The following KIAA1549L variants were observed in gnomAD, a reference collection of about 807,000 sequenced individuals.
KIAA1549L encodes KIAA1549 like.
KIAA1549L carries 88 observed loss-of-function variants against 160.7 expected under a neutral mutation model. The observed-to-expected ratio is 0.55, with a 90% CI of 0.46 to 0.65. The LOEUF (loss-of-function observed/expected upper bound fraction) is 0.65. KIAA1549L is among the 30% of genes least tolerant of loss of function. KIAA1549L has a pLI of 0.00. For synonymous variants in KIAA1549L, 950 were observed against 976.7 expected (o/e 0.97, Z 0.51); for missense variants, 2,258 against 2,437.5 (o/e 0.93, Z 1.55).
intron 12 of KIAA1549L, among the ~76,000 whole-genome samples, chr11:33,595,392 A>G (rs145513842): frequency 0.01 from 1,555 of 152,036 alleles, 46 homozygotes; most frequent in African/African-American, 0.036. Flanking sequence ...ATGCCTGGCT[A>G]ATTTTTGTAT....
intron 1 of KIAA1549L, among the ~76,000 whole-genome samples, chr11:33,469,892 A>G (rs1852142316): frequency 6.6e-6 from 1 of 152,196 alleles, no homozygotes; most frequent in African/African-American, 2.4e-5. Flanking sequence ...GCTTAACTGT[A>G]AGAGCTCTTT....
chr11:33,598,464 A>G (rs1377012041), intron 12 of KIAA1549L, among the ~76,000 whole-genome samples: 2 of 152,188 alleles, frequency 1.3e-5, no homozygotes, highest in Non-Finnish European at 2.9e-5. Context: ...ACACTCTGCA[A>G]CACTATCCAG....
chr11:33,522,344 A>G (rs1405604818), intron 1 of KIAA1549L, among the ~76,000 whole-genome samples: 1 of 152,186 alleles, frequency 6.6e-6, no homozygotes, highest in Admixed American at 6.5e-5. Context: ...ACTTACATCT[A>G]ATCAGTCATC....
At chr11:33,436,980 T>C (rs1851394084) in intron 1 of KIAA1549L, among the ~76,000 whole-genome samples, 1 of 152,202 alleles carries the variant, frequency 6.6e-6, no homozygotes, top group Non-Finnish European at 1.5e-5. Flanking sequence ...ATGGACATTG[T>C]GTTTGTGAAA....
chr11:33,490,662 A>T (rs1161844232), intron 1 of KIAA1549L, among the ~76,000 whole-genome samples: 2 of 152,302 alleles, frequency 1.3e-5, no homozygotes, highest in Non-Finnish European at 2.9e-5. Context: ...ATTAAAACAG[A>T]TGTAAAATGC....
chr11:33,403,245 GCAGA>G (rs1565121661), intron 1 of KIAA1549L: 41 of 10,948 alleles, frequency 3.7e-3, no homozygotes, highest in Middle Eastern at 0.05. Flanking sequence ...ACACACATAT[GCAGA>G]CACACACACA....
intron 1 of KIAA1549L, among the ~76,000 whole-genome samples, chr11:33,405,921 T>G (rs1850641070): frequency 6.6e-6 from 1 of 151,912 alleles, no homozygotes; most frequent in South Asian, 2.1e-4. Flanking sequence ...TTATCCCCAT[T>G]TTTAGAAGAG....
At chr11:33,458,903 T>C (rs928471940) in intron 1 of KIAA1549L, among the ~76,000 whole-genome samples, 3 of 152,184 alleles carry the variant, frequency 2.0e-5, no homozygotes, top group African/African-American at 7.2e-5. Flanking sequence ...AGTGTTAAAC[T>C]TCAGAGCACA....
At chr11:33,545,501 T>C in intron 3 of KIAA1549L, 123 bp downstream of exon 3, 1 of 1,203,996 alleles carries the variant, frequency 8.3e-7, no homozygotes, top group Non-Finnish European at 1.1e-6. Flanking sequence ...CCAGGGACAT[T>C]TGGCTATGTC....
intron 16 of KIAA1549L, among the ~76,000 whole-genome samples, chr11:33,623,686 C>G (rs1851019530): frequency 6.6e-6 from 1 of 152,110 alleles, no homozygotes; most frequent in African/African-American, 2.4e-5. Context: ...ATGGAGGCCA[C>G]TTGGCGAGTG....
intron 15 of KIAA1549L, among the ~76,000 whole-genome samples, chr11:33,616,119 G>A (rs1390327854): frequency 6.6e-6 from 1 of 152,148 alleles, no homozygotes; most frequent in Non-Finnish European, 1.5e-5. Flanking sequence ...AAATAAAAGG[G>A]GAATATATTA....
intron 1 of KIAA1549L, among the ~76,000 whole-genome samples, chr11:33,493,233 A>G (rs557653014): frequency 2.0e-5 from 3 of 152,100 alleles, no homozygotes; most frequent in Admixed American, 6.5e-5. Flanking sequence ...AGGGGCTCCA[A>G]CCCTCATGAA....
rs534113849 is a variant in KIAA1549L, at chr11:33,535,673, C to A, written c.239-6129C>A. ...GGTGGCAGAGTGAGACCCTGTCCCC[C>A]CTCCAAAAAAGAAAAAAGAAAAAGT... On this transcript the variant is annotated intron_variant, in intron 1 of 20. Coordinates refer to ENST00000658780, the MANE Select transcript of KIAA1549L (RefSeq NM_012194.3). Among the ~76,000 whole-genome samples the A allele has an allele frequency of 2.6e-5, 4 of 151,892 alleles. No homozygotes were observed. In the South Asian group the frequency reaches 8.3e-4, roughly 32 times the overall value.
intron 4 of KIAA1549L, among the ~76,000 whole-genome samples, chr11:33,548,169 G>A (rs988920796): frequency 4.6e-5 from 7 of 152,168 alleles, no homozygotes; most frequent in Admixed American, 4.6e-4. Context: ...GGAGGCCGAG[G>A]CAGGTGATCA....
chr11:33,570,006 C>CTTT (rs34297267), intron 9 of KIAA1549L, among the ~76,000 whole-genome samples: 23,412 of 134,350 alleles, frequency 0.17, 2,684 homozygotes, highest in East Asian at 0.34. Flanking sequence ...CTCTCTCTCT[C>CTTT]TTTTTTTTTT....
chr11:33,460,800 G>A (rs376602830), intron 1 of KIAA1549L, among the ~76,000 whole-genome samples: 115 of 152,314 alleles, frequency 7.6e-4, no homozygotes, highest in African/African-American at 2.7e-3. Context: ...GCAAAGACTA[G>A]TGCAGGCAGA....
chr11:33,562,485 A>G (rs1854896173), intron 8 of KIAA1549L, among the ~76,000 whole-genome samples: 2 of 152,130 alleles, frequency 1.3e-5, no homozygotes, highest in African/African-American at 4.8e-5. Flanking sequence ...GGAGACTAGA[A>G]GTCTAAAGCC....
intron 1 of KIAA1549L, among the ~76,000 whole-genome samples, chr11:33,495,961 TTTA>T (rs1852808610): frequency 6.6e-6 from 1 of 152,086 alleles, no homozygotes; most frequent in South Asian, 2.1e-4. Flanking sequence ...TTCGCCCACT[TTTA>T]TTATTATTGT....
At chr11:33,581,951 C>T (rs1855658865) in intron 10 of KIAA1549L, among the ~76,000 whole-genome samples, 1 of 151,926 alleles carries the variant, frequency 6.6e-6, no homozygotes, top group African/African-American at 2.4e-5. Flanking sequence ...TAAAAAAAAG[C>T]ATGTATTTAT....
Sources: gnomAD v4.1 joint callset for allele counts (sites outside exome capture counted in the v4.1 genomes callset) on GRCh38, gnomAD v4.1.1 for gene constraint, MANE v1.5 for transcripts, NCBI Gene and HGNC (gene_info 2026-07-23, HGNC 2026-07-21) for gene names.